The following GRID1 variants were observed in gnomAD, a reference collection of about 807,000 sequenced individuals.
GRID1 encodes glutamate receptor ionotropic, delta-1.
Under a neutral mutation model 98.0 loss-of-function variants are expected in GRID1, and 28 were observed. That is an observed-to-expected ratio of 0.29 (90% CI 0.21 to 0.39). The LOEUF (loss-of-function observed/expected upper bound fraction) is 0.39. Ranked by LOEUF, GRID1 falls within the 10% of genes least tolerant of loss-of-function variation. The pLI is 1.00. For synonymous variants in GRID1, 553 were observed against 538.5 expected (o/e 1.03, Z -0.37); for missense variants, 1,111 against 1,340.5 (o/e 0.83, Z 2.67).
chr10:86,257,691 G>A (rs1846944247), intron 2 of GRID1, among the ~76,000 whole-genome samples: 1 of 152,142 alleles, frequency 6.6e-6, no homozygotes, highest in Non-Finnish European at 1.5e-5. Flanking sequence ...GATACTATGG[G>A]GAAGAATTAG....
intron 2 of GRID1, among the ~76,000 whole-genome samples, chr10:86,234,977 A>G (rs1009628816): frequency 1.3e-5 from 2 of 152,218 alleles, no homozygotes; most frequent in Non-Finnish European, 2.9e-5. Context: ...GGGAGAGGAG[A>G]AAGCACAGTG....
At chr10:86,212,171 G>A (rs1296109157) in intron 2 of GRID1, among the ~76,000 whole-genome samples, 2 of 152,184 alleles carry the variant, frequency 1.3e-5, no homozygotes, top group Non-Finnish European at 2.9e-5. Flanking sequence ...TGTGTTAGAA[G>A]AGACCCACGG....
At chr10:86,248,429 C>CATAAT (rs1377125141) in intron 2 of GRID1, among the ~76,000 whole-genome samples, 1 of 152,138 alleles carries the variant, frequency 6.6e-6, no homozygotes, top group Non-Finnish European at 1.5e-5. Context: ...TATTATCAAT[C>CATAAT]AACAAAAAAT....
chr10:86,318,841 G>A (rs1847932665), intron 2 of GRID1, among the ~76,000 whole-genome samples: 1 of 152,196 alleles, frequency 6.6e-6, no homozygotes, highest in Non-Finnish European at 1.5e-5. Context: ...CTGTTCTCAT[G>A]GAGCTCCATT....
chr10:85,747,372 T>C (rs1026859027), intron 8 of GRID1, among the ~76,000 whole-genome samples: 4 of 152,172 alleles, frequency 2.6e-5, no homozygotes, highest in African/African-American at 4.8e-5. Flanking sequence ...AAATCTCATC[T>C]GGACTGGGAC....
At chr10:85,704,969 A>G (rs1455956111) in intron 12 of GRID1, among the ~76,000 whole-genome samples, 1 of 152,208 alleles carries the variant, frequency 6.6e-6, no homozygotes, top group Non-Finnish European at 1.5e-5. Context: ...CATTCAAAGC[A>G]GTGTGTAGAG....
intron 2 of GRID1, among the ~76,000 whole-genome samples, chr10:86,328,615 G>C (rs1295822120): frequency 6.6e-6 from 1 of 152,232 alleles, no homozygotes; most frequent in Non-Finnish European, 1.5e-5. Flanking sequence ...TTTACAATCA[G>C]AAAAATTCAG....
intron 2 of GRID1, among the ~76,000 whole-genome samples, chr10:86,215,067 A>C (rs1395849307): frequency 6.6e-6 from 1 of 152,238 alleles, no homozygotes; most frequent in Non-Finnish European, 1.5e-5. Flanking sequence ...GGAGGGGTTC[A>C]CTGAGAGTTT....
At chr10:85,731,880 A>T (rs537175417) in intron 8 of GRID1, among the ~76,000 whole-genome samples, 22 of 149,198 alleles carry the variant, frequency 1.5e-4, no homozygotes, top group Admixed American at 1.2e-3. Context: ...AGGGATAAAG[A>T]AAGGGAGGTA....
At chr10:85,991,211 T>C (rs1842675486) in intron 4 of GRID1, among the ~76,000 whole-genome samples, 1 of 152,116 alleles carries the variant, frequency 6.6e-6, no homozygotes, top group Non-Finnish European at 1.5e-5. Context: ...GATCCACTGA[T>C]TGAATGTAGA....
At chr10:85,861,815 A>C (rs1466228266) in intron 6 of GRID1, among the ~76,000 whole-genome samples, 2 of 152,232 alleles carry the variant, frequency 1.3e-5, no homozygotes, top group African/African-American at 2.4e-5. Context: ...CAGGGGTTTC[A>C]GTCCTGGAGA....
chr10:86,019,947 G>A (rs1021880307), intron 4 of GRID1, among the ~76,000 whole-genome samples: 3 of 152,216 alleles, frequency 2.0e-5, no homozygotes, highest in African/African-American at 7.2e-5. Context: ...GGCCATGCTA[G>A]GCACAATGAA....
At chr10:86,207,971 C>A (rs1222637378) in intron 2 of GRID1, among the ~76,000 whole-genome samples, 4 of 152,242 alleles carry the variant, frequency 2.6e-5, no homozygotes, top group Non-Finnish European at 5.9e-5. Context: ...TGGCAGCAGG[C>A]CATCTGCTGC....
intron 2 of GRID1, among the ~76,000 whole-genome samples, chr10:86,234,576 C>A (rs1195133406): frequency 1.3e-5 from 2 of 152,224 alleles, no homozygotes; most frequent in Non-Finnish European, 2.9e-5. Context: ...AAAGAGAAAA[C>A]TCTTTTCTCT....
chr10:86,363,203 C>T (rs1165037974), intron 2 of GRID1, among the ~76,000 whole-genome samples: 12 of 152,260 alleles, frequency 7.9e-5, no homozygotes. Flanking sequence ...TGGCGCCTGC[C>T]GCGGGGCCCG....
chr10:85,994,038 C>T (rs1187033950), intron 4 of GRID1, among the ~76,000 whole-genome samples: 1 of 152,200 alleles, frequency 6.6e-6, no homozygotes, highest in African/African-American at 2.4e-5. Flanking sequence ...TGTTGGACTC[C>T]TGCCCTGCTG....
chr10:85,702,966 A>G (rs1454615170), intron 12 of GRID1, among the ~76,000 whole-genome samples: 2 of 151,874 alleles, frequency 1.3e-5, no homozygotes, highest in African/African-American at 2.4e-5. Flanking sequence ...AATGAACCAG[A>G]CAGAAGGAGA....
At chr10:85,684,581 A>C (rs1361986667) in intron 12 of GRID1, among the ~76,000 whole-genome samples, 1 of 152,212 alleles carries the variant, frequency 6.6e-6, no homozygotes, top group African/African-American at 2.4e-5. Flanking sequence ...GAAATGAAAG[A>C]ATTTCTTAAC....
chr10:85,752,173 T>C (rs1361889509), intron 8 of GRID1, among the ~76,000 whole-genome samples: 1 of 152,158 alleles, frequency 6.6e-6, no homozygotes, highest in Non-Finnish European at 1.5e-5. Flanking sequence ...CTCCGGCCCT[T>C]TATGAGTTAG....
Sources: gnomAD v4.1 joint callset for allele counts (sites outside exome capture counted in the v4.1 genomes callset) on GRCh38, gnomAD v4.1.1 for gene constraint, MANE v1.5 for transcripts, NCBI Gene and HGNC (gene_info 2026-07-23, HGNC 2026-07-21) for gene names.